SCAND3: variants seen among roughly 807,000 people sequenced by gnomAD.
The protein encoded by SCAND3 is SCAN domain containing 3.
At chr6:28,594,015 C>G in the SCAND3 span, among the ~76,000 whole-genome samples, 6 of 152,228 alleles carry the variant, frequency 3.9e-5, 1 homozygote, top group African/African-American at 1.4e-4. Flanking sequence ...CCACCACACC[C>G]GTAACAATCT....
the SCAND3 span, among the ~76,000 whole-genome samples, chr6:28,584,959 G>A: frequency 6.6e-6 from 1 of 152,110 alleles, no homozygotes; most frequent in African/African-American, 2.4e-5. Context: ...CTTTAACTCT[G>A]AGAAAGACTG....
chr6:28,591,167 C>T, the SCAND3 span: 2 of 152,258 alleles, frequency 1.3e-5, no homozygotes, highest in Non-Finnish European at 2.9e-5. Context: ...TATCCCAAGC[C>T]TCTAAATTAA....
chr6:28,575,205 C>A, the SCAND3 span: 1 of 1,614,028 alleles, frequency 6.2e-7, no homozygotes. The surrounding 1 kb of genome is among the most constrained non-coding windows in gnomAD (Gnocchi z 4.2). Context: ...TCTGAATGAA[C>A]CACAAAAATT....
the SCAND3 span, chr6:28,571,923 G>A: frequency 1.2e-6 from 2 of 1,612,980 alleles, no homozygotes; most frequent in Middle Eastern, 1.7e-4. Context: ...AATGTGATAA[G>A]TGAGCTTGCT....
chr6:28,575,392 T>C, the SCAND3 span: 3 of 1,613,860 alleles, frequency 1.9e-6, no homozygotes, highest in African/African-American at 2.7e-5. The surrounding 1 kb of genome is among the most constrained non-coding windows in gnomAD (Gnocchi z 4.2). Flanking sequence ...TTCCCTCCCA[T>C]TGTCAGATTG....
the SCAND3 span, chr6:28,575,172 G>A: frequency 6.2e-7 from 1 of 1,614,110 alleles, no homozygotes; most frequent in South Asian, 1.1e-5. This position sits in a 1 kb window ranked among gnomAD's most constrained non-coding sequence, Gnocchi z 4.2. Context: ...GCATGCTTCT[G>A]TGATAGGGCT....
the SCAND3 span, chr6:28,589,436 A>T: frequency 6.6e-6 from 1 of 151,984 alleles, no homozygotes; most frequent in Non-Finnish European, 1.5e-5. Flanking sequence ...CCGAGTTCGA[A>T]TCTCGGTGGG....
At chr6:28,596,807 C>T in the SCAND3 span, among the ~76,000 whole-genome samples, 3 of 152,026 alleles carry the variant, frequency 2.0e-5, no homozygotes, top group Non-Finnish European at 2.9e-5. Flanking sequence ...TAGAGACCAG[C>T]AGACAATAAT....
chr6:28,578,573 T>C, the SCAND3 span, among the ~76,000 whole-genome samples: 2 of 152,174 alleles, frequency 1.3e-5, no homozygotes, highest in African/African-American at 4.8e-5. Context: ...TACTGATCCA[T>C]TTTGTGCCAT....
At chr6:28,579,165 A>T in the SCAND3 span, 2 of 1,014,012 alleles carry the variant, frequency 2.0e-6, no homozygotes, top group African/African-American at 1.6e-5. This position sits in a 1 kb window ranked among gnomAD's most constrained non-coding sequence, Gnocchi z 4.5. Context: ...TTCAACTATT[A>T]ATACATTCAG....
the SCAND3 span, among the ~76,000 whole-genome samples, chr6:28,610,674 G>A: frequency 6.6e-6 from 1 of 152,094 alleles, no homozygotes; most frequent in Non-Finnish European, 1.5e-5. Flanking sequence ...ATAACATCCA[G>A]TTATATGGGA....
chr6:28,577,858 T>A, the SCAND3 span, among the ~76,000 whole-genome samples: 1 of 152,228 alleles, frequency 6.6e-6, no homozygotes, highest in East Asian at 1.9e-4. Context: ...AATCTACCTA[T>A]GACCTGTAAG....
At chr6:28,572,041 G>C in the SCAND3 span, 7 of 1,614,024 alleles carry the variant, frequency 4.3e-6, no homozygotes, top group Non-Finnish European at 4.2e-6. This position sits in a 1 kb window ranked among gnomAD's most constrained non-coding sequence, Gnocchi z 4.1. Flanking sequence ...AACACTTAAA[G>C]TAGAGAATCC....
the SCAND3 span, among the ~76,000 whole-genome samples, chr6:28,574,026 A>G: frequency 6.6e-6 from 1 of 152,194 alleles, no homozygotes; most frequent in Non-Finnish European, 1.5e-5. Flanking sequence ...AACATAAAGT[A>G]TCACAGGTTG....
At chr6:28,589,234 CCTT>C in the SCAND3 span, 7 of 152,188 alleles carry the variant, frequency 4.6e-5, no homozygotes, top group Non-Finnish European at 7.3e-5. Context: ...GACAGTTACT[CCTT>C]CTTCAGCAGC....
the SCAND3 span, among the ~76,000 whole-genome samples, chr6:28,602,947 CA>C: frequency 0.037 from 4,937 of 132,978 alleles, 309 homozygotes; most frequent in African/African-American, 0.11. Flanking sequence ...TTATAGCCAC[CA>C]AAAAAAAATT....
the SCAND3 span, among the ~76,000 whole-genome samples, chr6:28,600,582 G>A: frequency 1.3e-5 from 2 of 152,100 alleles, no homozygotes; most frequent in African/African-American, 2.4e-5. Flanking sequence ...AGCTGAGATT[G>A]CACCACTGTA....
At chr6:28,583,722 C>G in the SCAND3 span, among the ~76,000 whole-genome samples, 4 of 152,196 alleles carry the variant, frequency 2.6e-5, no homozygotes, top group Non-Finnish European at 5.9e-5. Flanking sequence ...CCAACTGCTT[C>G]TCTATCATAC....
chr6:28,604,922 C>T, the SCAND3 span, among the ~76,000 whole-genome samples: 1,387 of 152,196 alleles, frequency 9.1e-3, 18 homozygotes, highest in African/African-American at 0.026. Context: ...AGGCCTAACT[C>T]GGGGAAGTTT....
Sources: gnomAD v4.1 joint callset for allele counts (sites outside exome capture counted in the v4.1 genomes callset) on GRCh38, gnomAD v4.1.1 for gene constraint, Gnocchi (gnomAD v3.1) non-coding constraint, MANE v1.5 for transcripts, NCBI Gene and HGNC (gene_info 2026-07-23, HGNC 2026-07-21) for gene names.